MIB1: variants seen among roughly 807,000 people sequenced by gnomAD.
The protein encoded by MIB1 is MIB E3 ubiquitin protein ligase 1, also known as E3 ubiquitin-protein ligase MIB1.
A neutral mutation model predicts 124.5 loss-of-function variants in MIB1; 278 were observed. The ratio of observed to expected loss-of-function variants is 2.23; its 90% CI spans 2.02 to 2.47. The LOEUF (loss-of-function observed/expected upper bound fraction) is 2.47. Among genes scored for constraint, MIB1 ranks in the 30% most tolerant of loss-of-function variants. The pLI is 0.00. For missense variants in MIB1, 957 were observed against 1,254.4 expected (o/e 0.76, Z 3.58); for synonymous variants, 446 against 429.4 (o/e 1.04, Z -0.48).
At chr18:21,713,714 T>C (rs993228717) in intron 1 of MIB1, among the ~76,000 whole-genome samples, 19 of 148,570 alleles carry the variant, frequency 1.3e-4, no homozygotes, top group Non-Finnish European at 2.8e-4. Flanking sequence ...CCCAAAATGC[T>C]AGGAGTACAG....
At chr18:21,723,067 T>G (rs2040722517) in intron 1 of MIB1, among the ~76,000 whole-genome samples, 1 of 152,200 alleles carries the variant, frequency 6.6e-6, no homozygotes, top group South Asian at 2.1e-4. Context: ...TTGTCTCTTC[T>G]CCCCATTTAT....
Position 21,857,197 on chromosome 18 carries a change from T to TA in MIB1, c.2734dup (p.Met912AsnfsTer13). 3 of 1,614,142 alleles carry TA rather than the reference T, an allele frequency of 1.9e-6. No homozygotes were observed. Among genetic ancestry groups the TA allele is most frequent in the Non-Finnish European group, 2.5e-6 (3 of 1,179,974 alleles). ...TAGTTGAACGAAGAGTGCCTTTCAT[T>TA]ATGTGCTGTGGAGGGAAAAGTTCAG... On this transcript the variant is annotated frameshift_variant, in exon 19 of 21. Coordinates refer to ENST00000261537, the MANE Select transcript of MIB1 (RefSeq NM_020774.4). LOFTEE classifies it high-confidence loss of function.
chr18:21,811,789 A>G (rs923344784), intron 10 of MIB1, among the ~76,000 whole-genome samples: 3 of 152,126 alleles, frequency 2.0e-5, no homozygotes, highest in Non-Finnish European at 4.4e-5. Context: ...AAAAAGTTCT[A>G]GAGATGGATG....
At chr18:21,795,073 T>G (rs1430803958) in intron 7 of MIB1, among the ~76,000 whole-genome samples, 1 of 151,602 alleles carries the variant, frequency 6.6e-6, no homozygotes, top group African/African-American at 2.4e-5. Context: ...TTATATGTTC[T>G]AACAATGTAA....
At chr18:21,801,807 TAGGCCTTCTGA>T (rs1174571198) in intron 9 of MIB1, among the ~76,000 whole-genome samples, 78 of 152,148 alleles carry the variant, frequency 5.1e-4, no homozygotes, top group Non-Finnish European at 1.6e-4. Context: ...ACATTTCTCT[TAGGCCTTCTGA>T]TAATCTCCGT....
chr18:21,748,857 C>G (rs150517030), intron 1 of MIB1, among the ~76,000 whole-genome samples: 2 of 151,258 alleles, frequency 1.3e-5, no homozygotes, highest in Non-Finnish European at 2.9e-5. Flanking sequence ...CTCAGCCTCC[C>G]GAGTAGCTAG....
At chr18:21,728,636 A>T (rs899200626) in intron 1 of MIB1, among the ~76,000 whole-genome samples, 1 of 152,206 alleles carries the variant, frequency 6.6e-6, no homozygotes, top group East Asian at 1.9e-4. Context: ...CTTCATCAAG[A>T]TAGGGCCTCT....
At chr18:21,824,130 A>C (rs968555954) in intron 12 of MIB1, among the ~76,000 whole-genome samples, 3 of 152,182 alleles carry the variant, frequency 2.0e-5, no homozygotes, top group Non-Finnish European at 4.4e-5. Flanking sequence ...AAGTTTATAT[A>C]GTATTTACGA....
chr18:21,773,032 T>C (rs2041240046), intron 3 of MIB1, among the ~76,000 whole-genome samples: 1 of 152,062 alleles, frequency 6.6e-6, no homozygotes, highest in South Asian at 2.1e-4. Flanking sequence ...TTGGGAGGCC[T>C]AGACGGGCAG....
intron 4 of MIB1, among the ~76,000 whole-genome samples, chr18:21,774,921 T>TTTTA (rs200926882): frequency 0.086 from 11,826 of 138,170 alleles, 694 homozygotes; most frequent in African/African-American, 0.16. Context: ...TTTATTTCCA[T>TTTTA]TTTATTTATT....
At position 21,853,202 on chromosome 18, in the gene MIB1, C is replaced by T; in HGVS notation, c.2649C>T (p.His883=). ...KAAVLFQPCG[H]MCACENCANL... is the part of the protein sequence containing the mutation. ...CTGTTCTTTTTCAACCCTGTGGCCA[C>T]ATGTGTGCTTGTGAGAGTAAGTAGC... Residue 883 remains histidine, a synonymous_variant, in exon 18 of 21, where the codon CAC becomes CAT. Transcript: ENST00000261537. 2 of 1,611,398 alleles carry T rather than the reference C, an allele frequency of 1.2e-6. No individual in the cohort carries two copies. The highest frequency in any genetic ancestry group is 1.7e-6 in the Non-Finnish European group (2 of 1,177,820).
chr18:21,844,517 C>G (rs993673500), intron 15 of MIB1, among the ~76,000 whole-genome samples: 1 of 151,948 alleles, frequency 6.6e-6, no homozygotes, highest in Non-Finnish European at 1.5e-5. Flanking sequence ...CTCACTGCAA[C>G]CACCTGGGTT....
intron 1 of MIB1, among the ~76,000 whole-genome samples, chr18:21,748,344 T>G (rs929413402): frequency 1.4e-5 from 2 of 148,050 alleles, no homozygotes; most frequent in East Asian, 4.0e-4. Flanking sequence ...GCTTTGCTTT[T>G]CTTCCTCTCT....
chr18:21,764,901 T>C (rs1195556424), intron 1 of MIB1, among the ~76,000 whole-genome samples: 3 of 152,222 alleles, frequency 2.0e-5, no homozygotes, highest in African/African-American at 4.8e-5. Context: ...TTGGTCAGCA[T>C]TGAGCTTGAC....
At chr18:21,822,721 C>T (rs2146482408) in intron 12 of MIB1, among the ~76,000 whole-genome samples, 1 of 152,022 alleles carries the variant, frequency 6.6e-6, no homozygotes, top group South Asian at 2.1e-4. Flanking sequence ...CCCCCCTATA[C>T]TGTCCAGTGA....
intron 8 of MIB1, among the ~76,000 whole-genome samples, chr18:21,799,550 ACTT>A (rs1236925497): frequency 1.3e-5 from 2 of 151,978 alleles, no homozygotes; most frequent in African/African-American, 4.8e-5. Context: ...TTATTCATAA[ACTT>A]CTTATGATGA....
Position 21,857,162 on chromosome 18 carries a change from T to C in MIB1, c.2698T>C (p.Cys900Arg). ...CANLMKKCVQ[C>R]RAVVERRVPF... Reference sequence around the variant, plus strand: ...TAACCTGATGAAAAAGTGTGTGCAGTGTCGAGCAGTAGTTGAACGAAGAGT... The same window carrying C: ...TAACCTGATGAAAAAGTGTGTGCAGCGTCGAGCAGTAGTTGAACGAAGAGT... Residue 900 changes from cysteine to arginine, a missense_variant, in exon 19 of 21, where the codon TGT becomes CGT. Transcript: ENST00000261537. 2 of 1,614,158 alleles carry C rather than the reference T, an allele frequency of 1.2e-6. No individual in the cohort carries two copies. The highest frequency in any genetic ancestry group is 1.7e-6 in the Non-Finnish European group (2 of 1,179,988).
chr18:21,723,402 G>T (rs1299947999), intron 1 of MIB1, among the ~76,000 whole-genome samples: 1 of 152,124 alleles, frequency 6.6e-6, no homozygotes, highest in Non-Finnish European at 1.5e-5. Context: ...TAGAAACCAA[G>T]ATGTGGGTTC....
chr18:21,791,194 A>AG, intron 6 of MIB1, 180 bp from the exon 7 acceptor site: 1 of 458,224 alleles, frequency 2.2e-6, no homozygotes, highest in Non-Finnish European at 3.7e-6. Context: ...AAAAAAAAAA[A>AG]CAAAACAGAA....
Sources: gnomAD v4.1 joint callset for allele counts (sites outside exome capture counted in the v4.1 genomes callset) on GRCh38, gnomAD v4.1.1 for gene constraint, MANE v1.5 for transcripts, NCBI Gene and HGNC (gene_info 2026-07-23, HGNC 2026-07-21) for gene names.